The following SPANXN4 variants were observed in gnomAD, a reference collection of about 807,000 sequenced individuals.
SPANXN4 encodes the protein sperm protein associated with the nucleus on the X chromosome N4.
A neutral mutation model predicts 6.0 loss-of-function variants in SPANXN4; 5 were observed. That is an observed-to-expected ratio of 0.83 (90% CI 0.44 to 1.75). The LOEUF (loss-of-function observed/expected upper bound fraction) is 1.75. SPANXN4 is among the 40% of genes most tolerant of loss of function. The pLI, the probability that SPANXN4 is intolerant of heterozygous loss-of-function variation, is 0.02. For synonymous variants in SPANXN4, 45 were observed against 38.0 expected (o/e 1.19, Z -0.68); for missense variants, 157 against 108.6 (o/e 1.45, Z -1.98).
At chrX:143,034,371 A>G in intron 2 of SPANXN4, 60 bp downstream of exon 2, 2 of 1,038,334 alleles carry the variant, frequency 1.9e-6, no homozygotes, top group Non-Finnish European at 2.5e-6. Flanking sequence ...GGGAAAAGAT[A>G]GGCATTTGAG....
At chrX:143,038,176 G>A (rs904727600), downstream of SPANXN4, among the ~76,000 whole-genome samples, 2 of 111,700 alleles carry the variant, frequency 1.8e-5, no homozygotes, top group African/African-American at 6.5e-5. Flanking sequence ...TTCTTTGAAA[G>A]CACTTGCACT....
At chrX:143,034,756 A>G (rs763722800), downstream of SPANXN4, 1 of 1,064,897 alleles carries the variant, frequency 9.4e-7, no homozygotes, top group African/African-American at 1.9e-5. Flanking sequence ...TGCCACACAC[A>G]ATAAAATAAT....
intron 1 of SPANXN4, among the ~76,000 whole-genome samples, chrX:143,032,987 A>G (rs1932819757): frequency 8.9e-6 from 1 of 111,896 alleles, no homozygotes; most frequent in African/African-American, 3.3e-5. Flanking sequence ...GTGTCCCCTG[A>G]GAAGGCAGGC....
intron 1 of SPANXN4, among the ~76,000 whole-genome samples, chrX:143,029,926 T>C (rs1932799666): frequency 9.0e-6 from 1 of 111,575 alleles, no homozygotes; most frequent in Admixed American, 9.5e-5. Context: ...CAACGGCTTC[T>C]GGGGCGTCGC....
chrX:143,032,977 G>A (rs1430289076), intron 1 of SPANXN4, among the ~76,000 whole-genome samples: 1 of 111,861 alleles, frequency 8.9e-6, no homozygotes, highest in Non-Finnish European at 1.9e-5. Context: ...CGTTCTGAAG[G>A]TGTCCCCTGA....
At chrX:143,036,280 A>G (rs1932843473), downstream of SPANXN4, among the ~76,000 whole-genome samples, 1 of 110,981 alleles carries the variant, frequency 9.0e-6, no homozygotes, top group South Asian at 3.8e-4. Context: ...GCCTAACATG[A>G]TATAGACATG....
exon 3 of SPANXN4, chrX:143,034,536 T>C (rs1400498271): frequency 1.7e-6 from 2 of 1,151,810 alleles, no homozygotes; most frequent in Non-Finnish European, 2.3e-6. Context: ...TTGGTGTTCC[T>C]TGGAGCACGT....
chrX:143,034,267 A>G (rs780580943), intron 2 of SPANXN4: 2 of 1,123,209 alleles, frequency 1.8e-6, no homozygotes, highest in African/African-American at 1.8e-5. Flanking sequence ...ACAAATCATC[A>G]CCACTGATGG....
chrX:143,026,468 C>T (rs1240469142), intron 1 of SPANXN4, among the ~76,000 whole-genome samples: 1 of 111,305 alleles, frequency 9.0e-6, no homozygotes, highest in Non-Finnish European at 1.9e-5. Flanking sequence ...TTTCTCACGG[C>T]CAGAACTCCC....
chrX:143,034,331 C>CT lies in SPANXN4; in HGVS notation c.283+106dup, dbSNP rs755430020. The CT allele has an allele frequency of 9.6e-6, 10 of 1,037,372 alleles. No individual in the cohort carries two copies. The highest frequency in any genetic ancestry group is 3.6e-5 in the Admixed American group (1 of 28,067). The allele number at this position is 1,037,372 out of a possible 1,213,427, so 85.5% of individuals were successfully genotyped here. Reference sequence around the variant, plus strand: ...AGCTGATGACTGTGTATACCTCTGCCTTTTTTTCTGATGGTGGGGAGGAAG... The same window carrying CT: ...AGCTGATGACTGTGTATACCTCTGCCTTTTTTTTCTGATGGTGGGGAGGAAG... On this transcript the variant is annotated intron_variant, in intron 2 of 2. Coordinates refer to ENST00000370504, the Ensembl canonical transcript of SPANXN4.
At chrX:143,034,851 G>T (rs1932835584), downstream of SPANXN4, 1 of 755,565 alleles carries the variant, frequency 1.3e-6, no homozygotes, top group Admixed American at 4.8e-5. Flanking sequence ...GTGGGGCACT[G>T]GGAGTGGCCT....
intron 1 of SPANXN4, among the ~76,000 whole-genome samples, chrX:143,030,401 C>G (rs1450633844): frequency 9.1e-6 from 1 of 110,325 alleles, no homozygotes; most frequent in Non-Finnish European, 1.9e-5. Context: ...GTTGGACTGA[C>G]AGGTTATGGG....
At chrX:143,032,353 AG>A (rs1329251406) in intron 1 of SPANXN4, among the ~76,000 whole-genome samples, 2 of 110,065 alleles carry the variant, frequency 1.8e-5, no homozygotes, top group African/African-American at 6.6e-5. Context: ...TTTCAGCACT[AG>A]GGGGGTGGGT....
At chrX:143,029,239 G>T (rs778563957) in intron 1 of SPANXN4, among the ~76,000 whole-genome samples, 1 of 111,797 alleles carries the variant, frequency 8.9e-6, no homozygotes, top group Non-Finnish European at 1.9e-5. Flanking sequence ...CCAGCAGCTT[G>T]TGTGCAAGTT....
At chrX:143,029,668 A>G (rs776012497) in intron 1 of SPANXN4, among the ~76,000 whole-genome samples, 1 of 111,254 alleles carries the variant, frequency 9.0e-6, no homozygotes, top group African/African-American at 3.3e-5. Context: ...TGAGAGTTTT[A>G]TATCTCTGGA....
At chrX:143,026,193 G>GTAT in intron 1 of SPANXN4, 101 bp downstream of exon 1, 1 of 699,685 alleles carries the variant, frequency 1.4e-6, no homozygotes, top group Non-Finnish European at 2.1e-6. Flanking sequence ...GACACCTGCA[G>GTAT]AAATGTGGGG....
chrX:143,026,196 A>T (rs1932777152), intron 1 of SPANXN4, 104 bp downstream of exon 1: 1 of 677,142 alleles, frequency 1.5e-6, no homozygotes, highest in African/African-American at 2.2e-5. Flanking sequence ...ACCTGCAGAA[A>T]TGTGGGGCCA....
downstream of SPANXN4, among the ~76,000 whole-genome samples, chrX:143,035,088 A>C (rs1932836995): frequency 9.2e-6 from 1 of 109,084 alleles, no homozygotes; most frequent in African/African-American, 3.3e-5. Flanking sequence ...AAAAAAAAAA[A>C]AAAAAAAAAC....
chrX:143,028,942 C>T lies in SPANXN4; in HGVS notation c.78+2850C>T, dbSNP rs781621907. ...GCAGTAACTGGCATGGAAATGGTTG[C>T]GCACGTATAAAAGTACAGAAGGTTT... On this transcript the variant is annotated intron_variant, in intron 1 of 2. Transcript: ENST00000370504. 3.6e-5 allele frequency among the ~76,000 whole-genome samples: 4 copies of T among 111,707 alleles called. 1 individual carries two copies. The highest frequency in any genetic ancestry group is 7.5e-4 in the South Asian group (2 of 2,672).
Sources: gnomAD v4.1 joint callset for allele counts (sites outside exome capture counted in the v4.1 genomes callset) on GRCh38, gnomAD v4.1.1 for gene constraint, MANE v1.5 for transcripts, NCBI Gene and HGNC (gene_info 2026-07-23, HGNC 2026-07-21) for gene names.